Variants in SEPTIN11 observed in about 807,000 individuals in gnomAD.
SEPTIN11 encodes the protein septin 11.
A neutral mutation model predicts 51.4 loss-of-function variants in SEPTIN11; 25 were observed. The observed-to-expected ratio is 0.49, with a 90% CI of 0.35 to 0.68. SEPTIN11 has a LOEUF of 0.68. SEPTIN11 is among the 30% of genes least tolerant of loss of function. The probability of loss-of-function intolerance (pLI) is 0.00; values close to 1 mark genes in which losing one functional copy is unlikely to be tolerated. For synonymous variants in SEPTIN11, 174 were observed against 184.1 expected (o/e 0.95, Z 0.44); for missense variants, 381 against 520.8 (o/e 0.73, Z 2.61).
intron 7 of SEPTIN11, among the ~76,000 whole-genome samples, chr4:77,022,201 T>C (rs1725766157): frequency 6.6e-6 from 1 of 152,342 alleles, no homozygotes; most frequent in Non-Finnish European, 1.5e-5. Flanking sequence ...TTTGTTTTCA[T>C]GCAAAGAGAT....
intron 3 of SEPTIN11, among the ~76,000 whole-genome samples, chr4:77,006,707 G>A (rs1239214964): frequency 6.6e-6 from 1 of 152,124 alleles, no homozygotes; most frequent in Non-Finnish European, 1.5e-5. Flanking sequence ...TTTGCTTACA[G>A]CTCAGACACT....
chr4:77,021,649 G>A (rs964860794), intron 7 of SEPTIN11: 11 of 152,366 alleles, frequency 7.2e-5, no homozygotes, highest in African/African-American at 1.9e-4. Flanking sequence ...TTTACAAACT[G>A]AGGGCCATAG....
intron 1 of SEPTIN11, among the ~76,000 whole-genome samples, chr4:76,962,945 A>T (rs1721884896): frequency 6.6e-6 from 1 of 152,190 alleles, no homozygotes; most frequent in Non-Finnish European, 1.5e-5. Flanking sequence ...GGGACCACTT[A>T]GTTCCTGGAT....
At chr4:76,979,223 T>C (rs954125604) in intron 1 of SEPTIN11, among the ~76,000 whole-genome samples, 4 of 152,202 alleles carry the variant, frequency 2.6e-5, no homozygotes, top group Admixed American at 6.5e-5. Flanking sequence ...AGTGTACTGC[T>C]AGATGCAAGA....
At chr4:76,999,879 C>T (rs1193643940) in intron 2 of SEPTIN11, among the ~76,000 whole-genome samples, 2 of 152,184 alleles carry the variant, frequency 1.3e-5, no homozygotes, top group Non-Finnish European at 2.9e-5. Context: ...TACAACACAC[C>T]TAAATCACTC....
At chr4:77,018,359 G>C (rs1725454093) in intron 5 of SEPTIN11, among the ~76,000 whole-genome samples, 1 of 151,740 alleles carries the variant, frequency 6.6e-6, no homozygotes. Flanking sequence ...TGAGGCAGGA[G>C]AATGGCGTGA....
chr4:77,024,872 C>T lies in SEPTIN11; in HGVS notation c.954-3757C>T, dbSNP rs751208415. Among the ~76,000 whole-genome samples, 8 of 152,096 alleles carry T rather than the reference C, an allele frequency of 5.3e-5. No individual in the cohort carries two copies. Among genetic ancestry groups the T allele is most frequent in the African/African-American group, 9.7e-5 (4 of 41,412 alleles). Reference sequence around the variant, plus strand: ...AGTGGGAGGTGATAGTAATGGCTACCTTATTGGGTTGTTGTAAGGATTAAA... The same window carrying T: ...AGTGGGAGGTGATAGTAATGGCTACTTTATTGGGTTGTTGTAAGGATTAAA... On this transcript the variant is annotated intron_variant, in intron 7 of 9. Coordinates refer to ENST00000264893, the MANE Select transcript of SEPTIN11 (RefSeq NM_018243.4). This position sits in a 1 kb window ranked among gnomAD's most constrained non-coding sequence, Gnocchi z 4.2.
intron 9 of SEPTIN11, among the ~76,000 whole-genome samples, chr4:77,033,159 G>GAA (rs200462512): frequency 7.5e-5 from 11 of 147,586 alleles, no homozygotes; most frequent in African/African-American, 2.2e-4. Flanking sequence ...AAATGTCCAA[G>GAA]AAAAAAAAAA....
chr4:76,951,223 C>T (rs994818517), intron 1 of SEPTIN11, among the ~76,000 whole-genome samples: 6 of 152,188 alleles, frequency 3.9e-5, no homozygotes, highest in Non-Finnish European at 5.9e-5. Context: ...TTCATGGGTC[C>T]CTTTGCGGAT....
chr4:77,001,046 A>G (rs1369628820), intron 2 of SEPTIN11, among the ~76,000 whole-genome samples: 1 of 152,164 alleles, frequency 6.6e-6, no homozygotes, highest in South Asian at 2.1e-4. Context: ...TAATAATACA[A>G]TCCCTCTGTT....
intron 4 of SEPTIN11, among the ~76,000 whole-genome samples, chr4:77,014,371 T>C (rs1398303029): frequency 6.6e-6 from 1 of 152,172 alleles, no homozygotes; most frequent in Non-Finnish European, 1.5e-5. Context: ...GCTGTTATAC[T>C]GTTAGGAGGT....
intron 1 of SEPTIN11, among the ~76,000 whole-genome samples, chr4:76,960,236 G>A (rs1721770311): frequency 6.6e-6 from 1 of 152,130 alleles, no homozygotes. Context: ...CTAGTACTTT[G>A]GCCTGATAAT....
At position 76,957,940 on chromosome 4, in the gene SEPTIN11, A is replaced by G. The variant is rs78077385; in HGVS notation, c.27+8010A>G. On this transcript the variant is annotated intron_variant, in intron 1 of 9. Coordinates refer to ENST00000264893, the MANE Select transcript of SEPTIN11 (RefSeq NM_018243.4). ...GACTGTCAAATATAATTGTGAACAT[A>G]AAAACACAAAACAAAAAAACCTTAT... Among the ~76,000 whole-genome samples, 1,270 of 152,312 alleles carry G rather than the reference A, an allele frequency of 8.3e-3. 12 individuals are homozygous for G. The highest frequency in any genetic ancestry group is 0.029 in the African/African-American group (1,201 of 41,566).
chr4:77,036,130 A>G lies in SEPTIN11; in HGVS notation c.*1618A>G. On this transcript the variant is annotated 3_prime_UTR_variant, in exon 10 of 10. Coordinates refer to ENST00000264893, the MANE Select transcript of SEPTIN11 (RefSeq NM_018243.4). Reference sequence around the variant, plus strand: ...GGAAAGAAGGAATGGTCTTCCATGAACTGATTATGCTTAATTAAGCAAAGT... The same window carrying G: ...GGAAAGAAGGAATGGTCTTCCATGAGCTGATTATGCTTAATTAAGCAAAGT... 1 of 986,762 alleles carries G rather than the reference A, an allele frequency of 1.0e-6. No homozygotes were observed. Among genetic ancestry groups the G allele is most frequent in the Non-Finnish European group, 1.2e-6 (1 of 830,660 alleles). The allele number at this position is 986,762 out of a possible 1,614,324, so 61.1% of individuals were successfully genotyped here.
chr4:76,955,361 G>C (rs1721515770), intron 1 of SEPTIN11, among the ~76,000 whole-genome samples: 1 of 152,178 alleles, frequency 6.6e-6, no homozygotes, highest in Non-Finnish European at 1.5e-5. Context: ...TGGGGAGGTG[G>C]TTGTGGAAGT....
At position 76,993,250 on chromosome 4, in the gene SEPTIN11, G is replaced by T. The variant is rs560673375; in HGVS notation, c.28-3175G>T. 6.0e-4 allele frequency among the ~76,000 whole-genome samples: 92 copies of T among 152,198 alleles called. 1 individual carries two copies. Among genetic ancestry groups the T allele is most frequent in the African/African-American group, 2.2e-3 (90 of 41,532 alleles). The stretch of plus-strand genomic sequence containing the variant: ...GAGAAGGGGCGAGTTTGGGATAGAG[G>T]AATATGATTTCAGTTTCATGAACAT... On this transcript the variant is annotated intron_variant, in intron 1 of 9. Transcript: ENST00000264893.
At chr4:76,967,817 T>G (rs1474124853) in intron 1 of SEPTIN11, among the ~76,000 whole-genome samples, 1 of 152,186 alleles carries the variant, frequency 6.6e-6, no homozygotes, top group Non-Finnish European at 1.5e-5. Context: ...GCAGAAAATG[T>G]GGCTGCTTTT....
In SEPTIN11 at chr4:77,016,657, C is replaced by CATATATATATAT. The variant is rs1560736525; in HGVS notation, c.687+1641_687+1642insTATATATATATA. On this transcript the variant is annotated intron_variant, in intron 5 of 9. Transcript: ENST00000264893. Reference sequence around the variant, plus strand: ...ACATATATATATATATATATATATACACATATATATATATATATGGCCAGG... The same window carrying CATATATATATAT: ...ACATATATATATATATATATATATACATATATATATATACATATATATATATATATGGCCAGG... Among the ~76,000 whole-genome samples, 38 of 79,194 alleles carry CATATATATATAT rather than the reference C, an allele frequency of 4.8e-4. 1 individual carries two copies. Among genetic ancestry groups the CATATATATATAT allele is most frequent in the Admixed American group, 6.9e-4 (5 of 7,240 alleles). The allele number at this position is 79,194 out of a possible 152,430, so 52.0% of individuals were successfully genotyped here.
chr4:77,019,109 A>C, intron 5 of SEPTIN11, 56 bp from the exon 6 acceptor site: 1 of 1,490,952 alleles, frequency 6.7e-7, no homozygotes, highest in East Asian at 2.4e-5. Flanking sequence ...AGACTGGTGG[A>C]AACCAGTCTG....
Sources: gnomAD v4.1 joint callset for allele counts (sites outside exome capture counted in the v4.1 genomes callset) on GRCh38, gnomAD v4.1.1 for gene constraint, Gnocchi (gnomAD v3.1) non-coding constraint, MANE v1.5 for transcripts, NCBI Gene and HGNC (gene_info 2026-07-23, HGNC 2026-07-21) for gene names.